Variants in KAZN observed in about 807,000 individuals in gnomAD.
The protein encoded by KAZN is kazrin.
A neutral mutation model predicts 87.4 loss-of-function variants in KAZN; 40 were observed. The ratio of observed to expected loss-of-function variants is 0.46; its 90% CI spans 0.36 to 0.60. The LOEUF (loss-of-function observed/expected upper bound fraction) is 0.60, where lower values mean the gene tolerates loss of function less well. Ranked by LOEUF, KAZN falls within the 20% of genes least tolerant of loss-of-function variation. KAZN has a pLI of 0.00. For missense variants in KAZN, 898 were observed against 1,073.9 expected, an observed-to-expected ratio of 0.84 and a Z score of 2.29; for synonymous variants, 466 against 458.3, an observed-to-expected ratio of 1.02 and a Z score of -0.22.
At chr1:14,979,254 C>G (rs1275711070) in intron 2 of KAZN, among the ~76,000 whole-genome samples, 2 of 149,894 alleles carry the variant, frequency 1.3e-5, no homozygotes, top group Admixed American at 6.7e-5. Context: ...ACTAAAAATG[C>G]AAAAATCTGC....
chr1:15,104,124 C>T lies in KAZN; in HGVS notation c.1983C>T (p.Pro661=), dbSNP rs1641209671. The T allele has an allele frequency of 1.2e-6, 2 of 1,609,610 alleles. No individual in the cohort carries two copies. Among genetic ancestry groups the T allele is most frequent in the African/African-American group, 1.3e-5 (1 of 74,958 alleles). The change falls in exon 13 of 15, where the codon CCC becomes CCT. Residue 661 remains proline (P), a synonymous_variant. Coordinates refer to ENST00000376030, the MANE Select transcript of KAZN (RefSeq NM_201628.3). The part of the protein sequence containing the change: ...AEAMATALGI[P]SGKHILRRHL... The stretch of plus-strand genomic sequence containing the variant: ...CCATGGCCACTGCCCTGGGCATCCC[C>T]AGTGGGAAGCACATCCTCCGGAGAC...
intron 1 of KAZN, among the ~76,000 whole-genome samples, chr1:14,111,770 C>T (rs953998507): frequency 7.1e-5 from 10 of 141,164 alleles, no homozygotes; most frequent in African/African-American, 2.5e-4. Flanking sequence ...GGTGGAGTCT[C>T]GCTCTGTCGC....
chr1:14,437,595 G>A (rs909701486), intron 2 of KAZN, among the ~76,000 whole-genome samples: 1 of 152,136 alleles, frequency 6.6e-6, no homozygotes, highest in Non-Finnish European at 1.5e-5. Context: ...AAAAAAAGGT[G>A]GGAGCATTGT....
intron 1 of KAZN, among the ~76,000 whole-genome samples, chr1:14,786,765 C>T (rs879798375): frequency 3.3e-5 from 5 of 152,198 alleles, no homozygotes; most frequent in Non-Finnish European, 5.9e-5. Flanking sequence ...CCCTAGCACT[C>T]TCCCCTCAGC....
At chr1:14,438,796 T>G (rs182127285) in intron 2 of KAZN, among the ~76,000 whole-genome samples, 10 of 152,134 alleles carry the variant, frequency 6.6e-5, no homozygotes, top group South Asian at 2.1e-4. Context: ...GGGCTCACGA[T>G]GAGCTTCCTA....
intron 2 of KAZN, among the ~76,000 whole-genome samples, chr1:14,304,323 G>C (rs760499967): frequency 2.0e-5 from 3 of 152,168 alleles, no homozygotes; most frequent in Non-Finnish European, 4.4e-5. Flanking sequence ...AACTTAAAGG[G>C]AAGGGTTTTA....
chr1:14,975,847 C>T (rs909451538), intron 2 of KAZN, among the ~76,000 whole-genome samples: 7 of 152,012 alleles, frequency 4.6e-5, no homozygotes, highest in Non-Finnish European at 1.0e-4. Flanking sequence ...CTGGCTAACA[C>T]GGTGAAACCC....
At chr1:14,053,769 A>G (rs1385559134) in intron 1 of KAZN, among the ~76,000 whole-genome samples, 1 of 152,242 alleles carries the variant, frequency 6.6e-6, no homozygotes, top group Non-Finnish European at 1.5e-5. Flanking sequence ...CCTCCTTCAC[A>G]GTCAGACATC....
intron 1 of KAZN, among the ~76,000 whole-genome samples, chr1:13,984,489 ATAAT>A (rs768694637): frequency 2.0e-5 from 3 of 152,342 alleles, no homozygotes; most frequent in Non-Finnish European, 2.9e-5. Context: ...TTTTGACCTA[ATAAT>A]TCTAATTTTT....
At chr1:14,165,099 C>T (rs758461554) in intron 1 of KAZN, among the ~76,000 whole-genome samples, 2 of 152,306 alleles carry the variant, frequency 1.3e-5, no homozygotes, top group East Asian at 1.9e-4. Flanking sequence ...TAATTTGTCA[C>T]AGAATAGGAC....
intron 1 of KAZN, among the ~76,000 whole-genome samples, chr1:14,033,526 C>A (rs1174176138): frequency 1.3e-5 from 2 of 152,216 alleles, no homozygotes; most frequent in Non-Finnish European, 2.9e-5. Context: ...ACCCTAGGGA[C>A]AGGGCTGCAA....
At chr1:13,926,015 G>C (rs1557724837) in intron 1 of KAZN, among the ~76,000 whole-genome samples, 1 of 152,162 alleles carries the variant, frequency 6.6e-6, no homozygotes, top group Non-Finnish European at 1.5e-5. Flanking sequence ...GCACATATGG[G>C]GTGGTTGGGG....
At chr1:14,015,523 C>G (rs185756171) in intron 1 of KAZN, among the ~76,000 whole-genome samples, 2,126 of 113,678 alleles carry the variant, frequency 0.019, 23 homozygotes, top group Middle Eastern at 0.066. Context: ...TTTTGTTGCC[C>G]AGGCTGGAGT....
At chr1:14,371,384 G>A (rs554571500) in intron 2 of KAZN, among the ~76,000 whole-genome samples, 33 of 152,260 alleles carry the variant, frequency 2.2e-4, no homozygotes, top group African/African-American at 7.9e-4. Flanking sequence ...TCACACAATG[G>A]AGACCATGCT....
At chr1:14,721,876 G>A (rs557510009) in intron 1 of KAZN, among the ~76,000 whole-genome samples, 4 of 152,216 alleles carry the variant, frequency 2.6e-5, no homozygotes, top group African/African-American at 7.2e-5. Flanking sequence ...GGAATAGACC[G>A]GGTGCGGTGG....
intron 1 of KAZN, among the ~76,000 whole-genome samples, chr1:14,172,901 T>G (rs1435552504): frequency 6.6e-6 from 1 of 152,206 alleles, no homozygotes; most frequent in East Asian, 1.9e-4. Flanking sequence ...CTCCATGCTG[T>G]GAGTGTGGGC....
At chr1:14,879,210 C>T (rs1352589631) in intron 1 of KAZN, among the ~76,000 whole-genome samples, 2 of 152,104 alleles carry the variant, frequency 1.3e-5, no homozygotes, top group African/African-American at 2.4e-5. Context: ...CCTGGAGCCT[C>T]GGTTCCTCAT....
chr1:14,401,038 T>TA (rs1365599540), intron 2 of KAZN, among the ~76,000 whole-genome samples: 5 of 152,172 alleles, frequency 3.3e-5, no homozygotes, highest in Non-Finnish European at 7.3e-5. Flanking sequence ...ATAAATGCTG[T>TA]AAGCATGGTG....
At chr1:15,079,280 G>A (rs985065772) in intron 8 of KAZN, among the ~76,000 whole-genome samples, 2 of 152,156 alleles carry the variant, frequency 1.3e-5, no homozygotes, top group Non-Finnish European at 2.9e-5. Context: ...GGCCTAAGGA[G>A]GAACTGCTTG....
Sources: gnomAD v4.1 joint callset for allele counts (sites outside exome capture counted in the v4.1 genomes callset) on GRCh38, gnomAD v4.1.1 for gene constraint, MANE v1.5 for transcripts, NCBI Gene and HGNC (gene_info 2026-07-23, HGNC 2026-07-21) for gene names.